Variants in SUPT3H observed in about 807,000 individuals in gnomAD.
SUPT3H encodes transcription initiation protein SPT3 homolog.
In SUPT3H, 44 loss-of-function variants were observed where a neutral mutation model predicts 44.3. That is an observed-to-expected ratio of 0.99 (90% CI 0.78 to 1.28). The LOEUF (loss-of-function observed/expected upper bound fraction) is 1.28, where lower values mean the gene tolerates loss of function less well. Among genes scored for constraint, SUPT3H ranks in the 50% most tolerant of loss-of-function variants. The pLI is 0.00. For synonymous variants in SUPT3H, 124 were observed against 125.6 expected, an observed-to-expected ratio of 0.99 and a Z score of 0.09; for missense variants, 380 against 387.1, an observed-to-expected ratio of 0.98 and a Z score of 0.15.
intron 2 of SUPT3H, among the ~76,000 whole-genome samples, chr6:45,189,461 C>T (rs1281849325): frequency 6.6e-6 from 1 of 152,080 alleles, no homozygotes; most frequent in Non-Finnish European, 1.5e-5. Flanking sequence ...ACATGGTTCC[C>T]TTATTAAAAA....
Position 45,311,647 on chromosome 6 carries a change from G to A in SUPT3H, c.101+53554C>T, listed in dbSNP as rs78989484. Among the ~76,000 whole-genome samples the A allele has an allele frequency of 7.2e-3, 1,093 of 152,236 alleles. 19 individuals carry two copies. The highest frequency in any genetic ancestry group is 0.025 in the African/African-American group (1,041 of 41,546). On this transcript the variant is annotated intron_variant, in intron 2 of 10. Coordinates refer to ENST00000371459, the MANE Select transcript of SUPT3H (RefSeq NM_003599.4). The stretch of plus-strand genomic sequence containing the variant: ...GAAACCCTACAAGCTAGAAGGGATT[G>A]GGGCCCTATCTTCAACCTCCTCAAA...
At chr6:45,362,315 C>T (rs1794402541) in intron 2 of SUPT3H, among the ~76,000 whole-genome samples, 2 of 152,082 alleles carry the variant, frequency 1.3e-5, no homozygotes, top group Admixed American at 1.3e-4. Flanking sequence ...AGAACAACAA[C>T]TCATTAATAG....
At chr6:44,958,072 CT>C (rs1381496916) in intron 7 of SUPT3H, among the ~76,000 whole-genome samples, 5 of 152,176 alleles carry the variant, frequency 3.3e-5, no homozygotes, top group African/African-American at 1.2e-4. Flanking sequence ...TCCTTCGCCC[CT>C]CTTCCCAACG....
At chr6:44,856,961 T>C (rs1773835867) in intron 10 of SUPT3H, among the ~76,000 whole-genome samples, 1 of 152,314 alleles carries the variant, frequency 6.6e-6, no homozygotes, top group African/African-American at 2.4e-5. Flanking sequence ...TTCACGAGTA[T>C]AGAATTAGGT....
intron 2 of SUPT3H, among the ~76,000 whole-genome samples, chr6:45,118,409 C>CA (rs1279887750): frequency 6.6e-6 from 1 of 152,002 alleles, no homozygotes; most frequent in Non-Finnish European, 1.5e-5. Flanking sequence ...ATCAATAAAA[C>CA]AGTAATTAAG....
intron 2 of SUPT3H, among the ~76,000 whole-genome samples, chr6:45,171,717 T>TG (rs1810802802): frequency 7.6e-6 from 1 of 131,100 alleles, no homozygotes; most frequent in Non-Finnish European, 1.6e-5. Flanking sequence ...CACTTGCTTT[T>TG]TTTTTTTTTT....
intron 10 of SUPT3H, among the ~76,000 whole-genome samples, chr6:44,832,040 G>A (rs1156756017): frequency 6.6e-6 from 1 of 152,096 alleles, no homozygotes; most frequent in Non-Finnish European, 1.5e-5. Context: ...AATTAGTGAA[G>A]AGCAATTTCA....
intron 3 of SUPT3H, among the ~76,000 whole-genome samples, chr6:45,087,556 CAAT>C (rs971396768): frequency 1.1e-4 from 16 of 151,484 alleles, no homozygotes; most frequent in African/African-American, 3.6e-4. Context: ...TTATTATTAG[CAAT>C]AATAATAAAA....
At chr6:45,150,146 C>T (rs1277363924) in intron 2 of SUPT3H, among the ~76,000 whole-genome samples, 2 of 151,914 alleles carry the variant, frequency 1.3e-5, no homozygotes, top group African/African-American at 4.8e-5. Context: ...ATTTTTTTTA[C>T]TCATGATTCC....
Position 45,024,434 on chromosome 6 carries a change from CT to C in SUPT3H, c.187-3803del, listed in dbSNP as rs139500470. ...ATGTGCTATTTCCACCATATTTGTT[CT>C]ACTATAATCTCCCTTAAATATAATG... On this transcript the variant is annotated intron_variant, in intron 3 of 10. Transcript: ENST00000371459. Among the ~76,000 whole-genome samples, 971 of 152,044 alleles carry C rather than the reference CT, an allele frequency of 6.4e-3. 7 individuals are homozygous for C. Among genetic ancestry groups the C allele is most frequent in the Admixed American group, 9.0e-3 (138 of 15,256 alleles).
chr6:45,278,677 A>C (rs866974874), intron 2 of SUPT3H, among the ~76,000 whole-genome samples: 1 of 152,378 alleles, frequency 6.6e-6, no homozygotes, highest in Middle Eastern at 3.4e-3. Flanking sequence ...TCATTGCAAA[A>C]GAATTAATGA....
intron 2 of SUPT3H, among the ~76,000 whole-genome samples, chr6:45,232,393 T>C (rs1407197423): frequency 6.6e-6 from 1 of 152,214 alleles, no homozygotes; most frequent in Non-Finnish European, 1.5e-5. Flanking sequence ...TAATGTTTTG[T>C]TGAAGACAGA....
At chr6:44,895,256 T>G (rs1429732171) in intron 10 of SUPT3H, among the ~76,000 whole-genome samples, 8 of 704 alleles carry the variant, frequency 0.011, no homozygotes, top group African/African-American at 0.012. Context: ...TTAGTCTTGT[T>G]TTTTTTTTTT....
intron 10 of SUPT3H, among the ~76,000 whole-genome samples, chr6:44,929,583 G>A (rs2153460300): frequency 6.6e-6 from 1 of 152,228 alleles, no homozygotes; most frequent in South Asian, 2.1e-4. Flanking sequence ...GAAAATATAG[G>A]TGTCAATCTA....
intron 10 of SUPT3H, among the ~76,000 whole-genome samples, chr6:44,837,081 T>A (rs145750470): frequency 2.4e-4 from 36 of 152,284 alleles, no homozygotes; most frequent in African/African-American, 8.4e-4. Context: ...TTTTTTACAA[T>A]CTTGGTTTTG....
chr6:45,062,812 G>A (rs1344038134), intron 3 of SUPT3H, among the ~76,000 whole-genome samples: 6 of 152,032 alleles, frequency 3.9e-5, no homozygotes, highest in African/African-American at 9.7e-5. Context: ...AGGGTCCTAC[G>A]CCCACGGAGT....
chr6:44,924,847 T>C (rs1769277263), intron 10 of SUPT3H, among the ~76,000 whole-genome samples: 2 of 152,126 alleles, frequency 1.3e-5, no homozygotes, highest in African/African-American at 4.8e-5. Flanking sequence ...AATTTTCACT[T>C]CCAGTAAAAA....
At chr6:45,201,010 C>A (rs1344499386) in intron 2 of SUPT3H, among the ~76,000 whole-genome samples, 2 of 151,300 alleles carry the variant, frequency 1.3e-5, no homozygotes, top group Non-Finnish European at 1.5e-5. Flanking sequence ...CTTATGGGAA[C>A]AATACGAAGA....
intron 10 of SUPT3H, among the ~76,000 whole-genome samples, chr6:44,892,596 G>C (rs138094802): frequency 6.6e-6 from 1 of 152,120 alleles, no homozygotes; most frequent in Admixed American, 6.6e-5. Flanking sequence ...TTAATACACA[G>C]GGAAAAAAGG....
Sources: gnomAD v4.1 joint callset for allele counts (sites outside exome capture counted in the v4.1 genomes callset) on GRCh38, gnomAD v4.1.1 for gene constraint, MANE v1.5 for transcripts, NCBI Gene and HGNC (gene_info 2026-07-23, HGNC 2026-07-21) for gene names.